The following DPYD variants were observed in gnomAD, a reference collection of about 807,000 sequenced individuals.
DPYD encodes dihydropyrimidine dehydrogenase [NADP(+)].
Under a neutral mutation model 116.2 loss-of-function variants are expected in DPYD, and 109 were observed. The ratio of observed to expected loss-of-function variants is 0.94; its 90% CI spans 0.80 to 1.10. The LOEUF (loss-of-function observed/expected upper bound fraction) is 1.10, where lower values mean the gene tolerates loss of function less well. Ranked by LOEUF, DPYD falls within the 50% of genes least tolerant of loss-of-function variation. DPYD has a pLI of 0.00. For synonymous variants in DPYD, 440 were observed against 432.0 expected, an observed-to-expected ratio of 1.02 and a Z score of -0.23; for missense variants, 1,302 against 1,254.5, an observed-to-expected ratio of 1.04 and a Z score of -0.57.
At chr1:97,368,043 G>A (rs185769691) in intron 16 of DPYD, among the ~76,000 whole-genome samples, 1 of 152,046 alleles carries the variant, frequency 6.6e-6, no homozygotes, top group Non-Finnish European at 1.5e-5. Flanking sequence ...AATTAGAGAG[G>A]TGATTTCCAT....
At chr1:97,900,423 C>T (rs1475256448) in intron 1 of DPYD, among the ~76,000 whole-genome samples, 2 of 151,796 alleles carry the variant, frequency 1.3e-5, no homozygotes, top group African/African-American at 4.8e-5. Context: ...ACTGATAGTC[C>T]AATCAACAAG....
chr1:97,703,128 T>C (rs1401327204), intron 5 of DPYD, among the ~76,000 whole-genome samples: 5 of 152,058 alleles, frequency 3.3e-5, no homozygotes, highest in Non-Finnish European at 5.9e-5. Flanking sequence ...GCCTGCTCTG[T>C]TCTGGAATTT....
intron 8 of DPYD, among the ~76,000 whole-genome samples, chr1:97,617,729 C>T (rs969710624): frequency 6.6e-6 from 1 of 152,118 alleles, no homozygotes; most frequent in Non-Finnish European, 1.5e-5. Context: ...TCATTGCTAC[C>T]AAGCAAGGTC....
At chr1:97,709,086 T>G (rs1662141881) in intron 5 of DPYD, among the ~76,000 whole-genome samples, 1 of 151,970 alleles carries the variant, frequency 6.6e-6, no homozygotes, top group Non-Finnish European at 1.5e-5. Flanking sequence ...AAAGACAGTT[T>G]TATTTCTTCC....
At chr1:97,850,568 T>C (rs1201946118) in intron 2 of DPYD, among the ~76,000 whole-genome samples, 3 of 137,226 alleles carry the variant, frequency 2.2e-5, no homozygotes, top group African/African-American at 8.0e-5. Context: ...CGGTTTTAAA[T>C]ATCTAAAATA....
At chr1:97,691,912 C>A (rs896807557) in intron 6 of DPYD, 114 bp from the exon 7 acceptor site, 20 of 793,834 alleles carry the variant, frequency 2.5e-5, no homozygotes, top group Non-Finnish European at 4.1e-5. Context: ...AATATCTCTT[C>A]CAAGGATATT....
chr1:97,434,740 T>G (rs890247322), intron 14 of DPYD, among the ~76,000 whole-genome samples: 2 of 152,108 alleles, frequency 1.3e-5, no homozygotes, highest in Non-Finnish European at 2.9e-5. Flanking sequence ...CTTTTTATTG[T>G]GCGTAAGTAT....
rs530204604 is a variant in DPYD, at chr1:97,106,040, G to A, written c.2623-7408C>T. ...AAAGTGTTTGGATTTTATTCTTTAG[G>A]GTGTATGGGAACACCAGATATTTGA... On this transcript the variant is annotated intron_variant, in intron 20 of 22. Transcript: ENST00000370192. Among the ~76,000 whole-genome samples, 6 of 152,008 alleles carry A rather than the reference G, an allele frequency of 3.9e-5. 1 individual carries two copies. The highest frequency in any genetic ancestry group is 1.2e-4 in the African/African-American group (5 of 41,476).
intron 18 of DPYD, among the ~76,000 whole-genome samples, chr1:97,262,392 G>T (rs1375318243): frequency 6.6e-6 from 1 of 152,000 alleles, no homozygotes; most frequent in Non-Finnish European, 1.5e-5. Flanking sequence ...TGAACACATT[G>T]TAAGCCCTTA....
chr1:97,698,379 T>C (rs934116503), intron 6 of DPYD, among the ~76,000 whole-genome samples: 5 of 151,886 alleles, frequency 3.3e-5, no homozygotes, highest in Non-Finnish European at 5.9e-5. Context: ...ATCTTGGGCT[T>C]AGCATATTGT....
chr1:97,451,656 T>C (rs1676419423), intron 13 of DPYD, among the ~76,000 whole-genome samples: 1 of 152,052 alleles, frequency 6.6e-6, no homozygotes. Flanking sequence ...GCTCAAGCCT[T>C]GTGGGTCAAT....
At chr1:97,280,582 T>C (rs1307340624) in intron 18 of DPYD, among the ~76,000 whole-genome samples, 4 of 152,206 alleles carry the variant, frequency 2.6e-5, no homozygotes, top group African/African-American at 9.7e-5. Context: ...AATCCTTTCA[T>C]TTGTGGCAAC....
intron 3 of DPYD, among the ~76,000 whole-genome samples, chr1:97,766,814 T>C (rs1202861212): frequency 2.0e-5 from 3 of 152,128 alleles, no homozygotes; most frequent in Admixed American, 6.5e-5. Context: ...ATAGGTAAAA[T>C]AGCCATCAAC....
chr1:97,502,279 T>G (rs893539096), intron 13 of DPYD, among the ~76,000 whole-genome samples: 5 of 152,062 alleles, frequency 3.3e-5, no homozygotes, highest in African/African-American at 7.2e-5. Context: ...ACATAATTAT[T>G]TCTGCATTAT....
At chr1:97,203,524 T>A in intron 19 of DPYD, among the ~76,000 whole-genome samples, 1 of 151,424 alleles carries the variant, frequency 6.6e-6, no homozygotes, top group East Asian at 2.0e-4. Context: ...ATATACCTAA[T>A]GCTAGATGAC....
chr1:97,308,944 A>T (rs59421378), intron 16 of DPYD, among the ~76,000 whole-genome samples: 223 of 152,022 alleles, frequency 1.5e-3, no homozygotes, highest in African/African-American at 5.3e-3. Flanking sequence ...ACAATTATTG[A>T]CTGCTCTATT....
chr1:97,562,333 C>A (rs1484890805), intron 11 of DPYD, among the ~76,000 whole-genome samples: 2 of 152,084 alleles, frequency 1.3e-5, no homozygotes, highest in Non-Finnish European at 1.5e-5. Context: ...CATGTTAAAC[C>A]AAATGAATTG....
chr1:97,359,030 G>A (rs1670569187), intron 16 of DPYD, among the ~76,000 whole-genome samples: 1 of 152,150 alleles, frequency 6.6e-6, no homozygotes, highest in Non-Finnish European at 1.5e-5. Flanking sequence ...AAAGGAGGAT[G>A]TTCGAACCCA....
chr1:97,390,243 T>C (rs1032771235), intron 14 of DPYD, among the ~76,000 whole-genome samples: 3 of 151,988 alleles, frequency 2.0e-5, no homozygotes, highest in South Asian at 4.1e-4. Context: ...AATTTTTTAG[T>C]AGGGAAAAAC....
Sources: gnomAD v4.1 joint callset for allele counts (sites outside exome capture counted in the v4.1 genomes callset) on GRCh38, gnomAD v4.1.1 for gene constraint, MANE v1.5 for transcripts, NCBI Gene and HGNC (gene_info 2026-07-23, HGNC 2026-07-21) for gene names.